The following TIPRL variants were observed in gnomAD, a reference collection of about 807,000 sequenced individuals.
TIPRL encodes TIP41-like protein.
In TIPRL, 10 loss-of-function variants were observed where a neutral mutation model predicts 32.3. That is an observed-to-expected ratio of 0.31 (90% confidence interval 0.19 to 0.52). TIPRL has a LOEUF of 0.52. Ranked by LOEUF, TIPRL falls within the 20% of genes least tolerant of loss-of-function variation. The pLI is 0.96. For missense variants in TIPRL, 250 were observed against 328.1 expected, an observed-to-expected ratio of 0.76 and a Z score of 1.84; for synonymous variants, 100 against 114.0, an observed-to-expected ratio of 0.88 and a Z score of 0.78.
chr1:168,183,920 T>C lies in TIPRL; in HGVS notation c.123T>C (p.His41=), dbSNP rs1373341565. The C allele has an allele frequency of 3.1e-6, 5 of 1,613,926 alleles. No individual in the cohort carries two copies. The highest frequency in any genetic ancestry group is 3.4e-6 in the Non-Finnish European group (4 of 1,179,824). ...ADVEKLADEL[H]MPSLPEMMFG... Reference sequence around the variant, plus strand: ...CGTATAGATTAGCCGATGAATTACATATGCCATCTCTCCCTGAAATGATGT... The same window carrying C: ...CGTATAGATTAGCCGATGAATTACACATGCCATCTCTCCCTGAAATGATGT... Residue 41 remains histidine (H), a synonymous_variant, in exon 2 of 7, where the codon CAT becomes CAC. Coordinates refer to ENST00000367833, the MANE Select transcript of TIPRL (RefSeq NM_152902.5).
At chr1:168,195,611 G>A (rs1487545242) in intron 4 of TIPRL, among the ~76,000 whole-genome samples, 1 of 152,166 alleles carries the variant, frequency 6.6e-6, no homozygotes, top group Admixed American at 6.5e-5. Flanking sequence ...GTCTTGCTCT[G>A]TTGCCCAGGC....
rs1230422904 is a variant in TIPRL, at chr1:168,191,287, A to C, written c.385-82A>C. ...TGTAGAAAAGACTGATTGAAAAAGAAAAGAAAAGACTGCTTTCCTGTGTCT... is the reference window on the plus strand; with the variant it reads ...TGTAGAAAAGACTGATTGAAAAAGACAAGAAAAGACTGCTTTCCTGTGTCT... On this transcript the variant is annotated intron_variant, in intron 3 of 6. Coordinates refer to ENST00000367833, the MANE Select transcript of TIPRL (RefSeq NM_152902.5). 6 of 1,310,700 alleles carry C rather than the reference A, an allele frequency of 4.6e-6. No individual in the cohort carries two copies. In the East Asian group the frequency reaches 1.4e-4, roughly 30 times the overall value. 81.2% of individuals were successfully genotyped at this position (1,310,700 alleles called of 1,614,324 possible).
At chr1:168,181,297 C>T (rs2102304421) in intron 1 of TIPRL, among the ~76,000 whole-genome samples, 1 of 151,980 alleles carries the variant, frequency 6.6e-6, no homozygotes, top group South Asian at 2.1e-4. Context: ...ACTGTAACCT[C>T]CACCTCCTGG....
At chr1:168,187,839 G>T (rs1426630439) in intron 3 of TIPRL, among the ~76,000 whole-genome samples, 2 of 152,088 alleles carry the variant, frequency 1.3e-5, no homozygotes, top group Non-Finnish European at 1.5e-5. Context: ...GGGTCTGGTG[G>T]CACGTGTCTA....
At chr1:168,195,324 T>G (rs1236039161) in intron 4 of TIPRL, among the ~76,000 whole-genome samples, 2 of 152,238 alleles carry the variant, frequency 1.3e-5, no homozygotes, top group African/African-American at 2.4e-5. Flanking sequence ...CTTTCTGTGG[T>G]CAGCTCAAGC....
intron 3 of TIPRL, among the ~76,000 whole-genome samples, chr1:168,188,004 T>A (rs539072532): frequency 6.6e-6 from 1 of 152,272 alleles, no homozygotes; most frequent in South Asian, 2.1e-4. Context: ...AAGATCTCAA[T>A]AAATGGCAGC....
intron 6 of TIPRL, among the ~76,000 whole-genome samples, chr1:168,199,431 C>G (rs923090456): frequency 2.0e-5 from 3 of 152,106 alleles, no homozygotes; most frequent in Non-Finnish European, 4.4e-5. Context: ...TGAAGCCTTC[C>G]TTAGAACTTA....
At position 168,201,763 on chromosome 1, in the gene TIPRL, G is replaced by T. The variant is rs567682584; in HGVS notation, c.*1717G>T. The T allele has an allele frequency of 7.1e-6, 1 of 141,414 alleles. No homozygotes were observed. Among genetic ancestry groups the T allele is most frequent in the Non-Finnish European group, 1.5e-5 (1 of 65,732 alleles). 8.8% of individuals were successfully genotyped at this position (141,414 alleles called of 1,614,324 possible). On this transcript the variant is annotated 3_prime_UTR_variant, in exon 7 of 7. Transcript: ENST00000367833. ...ACTCTTCATTAATTGGAGCTTCTGG[G>T]CAACATCGTGTGTGTGTGTGTGTGT...
In TIPRL at chr1:168,181,139, C is replaced by T. The variant is rs908379207; in HGVS notation, c.104+1958C>T. Among the ~76,000 whole-genome samples the T allele has an allele frequency of 6.6e-5, 10 of 151,832 alleles. No individual in the cohort carries two copies. In the East Asian group the frequency reaches 1.7e-3, roughly 26 times the overall value. On this transcript the variant is annotated intron_variant, in intron 1 of 6. Transcript: ENST00000367833. ...CTGAGACTACAGGCGCGTGCCACCA[C>T]GCCTGGCTAATTTTTGTATTTTTAT...
At chr1:168,195,700 G>A (rs960851340) in intron 4 of TIPRL, among the ~76,000 whole-genome samples, 3 of 151,940 alleles carry the variant, frequency 2.0e-5, no homozygotes, top group Non-Finnish European at 2.9e-5. Context: ...AGCCTTCCAC[G>A]TAGCTAGGAC....
At chr1:168,181,567 G>A (rs1422145455) in intron 1 of TIPRL, among the ~76,000 whole-genome samples, 5 of 147,036 alleles carry the variant, frequency 3.4e-5, no homozygotes, top group African/African-American at 7.5e-5. Context: ...AGTAATTGCG[G>A]TTTTTAATTG....
At chr1:168,194,248 A>G (rs1208899619) in intron 4 of TIPRL, among the ~76,000 whole-genome samples, 1 of 152,110 alleles carries the variant, frequency 6.6e-6, no homozygotes, top group Non-Finnish European at 1.5e-5. Flanking sequence ...GCAGGACTGG[A>G]CTTTGTTGTA....
intron 1 of TIPRL, among the ~76,000 whole-genome samples, chr1:168,183,123 AT>A (rs1219859444): frequency 2.0e-5 from 3 of 152,108 alleles, no homozygotes. Flanking sequence ...ATTTTTTCAT[AT>A]TATTATAGTC....
At chr1:168,179,683 G>A (rs1309188819) in intron 1 of TIPRL, among the ~76,000 whole-genome samples, 2 of 152,158 alleles carry the variant, frequency 1.3e-5, no homozygotes, top group Non-Finnish European at 2.9e-5. Context: ...ATGTATACAC[G>A]GAGTGATGTG....
Position 168,196,576 on chromosome 1 carries a change from G to A in TIPRL, c.546G>A (p.Leu182=). The A allele has an allele frequency of 1.3e-6, 2 of 1,578,878 alleles. No homozygotes were observed. Among genetic ancestry groups the A allele is most frequent in the South Asian group, 2.3e-5 (2 of 85,904 alleles). The change falls in exon 5 of 7, where the codon CTG becomes CTA. Residue 182 remains leucine (L), a synonymous_variant. Transcript: ENST00000367833. ...IRVMPSSFFL[L]LRFFLRIDGV... ...TAATGCCTTCTAGCTTTTTCCTGCT[G>A]TTGCGGTTTTTCTTGAGAATTGATG...
intron 3 of TIPRL, 47 bp from the exon 4 acceptor site, chr1:168,191,322 C>T: frequency 1.3e-6 from 2 of 1,490,462 alleles, no homozygotes; most frequent in East Asian, 2.7e-5. Context: ...TCTGTAGCTC[C>T]TCAACTTTTT....
At chr1:168,192,062 C>G in intron 4 of TIPRL, 1 of 961,502 alleles carries the variant, frequency 1.0e-6, no homozygotes, top group South Asian at 3.5e-5. Context: ...TTATTTAACT[C>G]TAATGAAGAC....
chr1:168,199,256 T>A (rs569762044), intron 6 of TIPRL, among the ~76,000 whole-genome samples: 2 of 152,332 alleles, frequency 1.3e-5, no homozygotes, highest in East Asian at 3.9e-4. Flanking sequence ...TGACTTACTC[T>A]GAGTCACATA....
intron 3 of TIPRL, among the ~76,000 whole-genome samples, chr1:168,188,788 G>A (rs905949168): frequency 1.3e-5 from 2 of 152,048 alleles, no homozygotes; most frequent in Non-Finnish European, 2.9e-5. Flanking sequence ...AGACCAGCCT[G>A]GCCAACATGG....
Sources: allele counts gnomAD v4.1 joint callset (sites outside exome capture counted in the v4.1 genomes callset), GRCh38; gene constraint gnomAD v4.1.1; transcripts MANE v1.5; gene names NCBI Gene and HGNC (gene_info 2026-07-23, HGNC 2026-07-21).